The following DLG2 variants were observed in gnomAD, a reference collection of about 807,000 sequenced individuals.
DLG2 encodes disks large homolog 2.
In DLG2, 45 loss-of-function variants were observed where a neutral mutation model predicts 132.5. The observed-to-expected ratio is 0.34, with a 90% CI of 0.27 to 0.44. The LOEUF (loss-of-function observed/expected upper bound fraction) is 0.44. DLG2 is among the 20% of genes least tolerant of loss of function. The pLI is 1.00. For synonymous variants in DLG2, 424 were observed against 419.6 expected (o/e 1.01, Z -0.13); for missense variants, 1,045 against 1,196.9 (o/e 0.87, Z 1.87).
At chr11:84,747,242 A>T (rs1405165259) in intron 6 of DLG2, among the ~76,000 whole-genome samples, 3 of 152,052 alleles carry the variant, frequency 2.0e-5, no homozygotes, top group African/African-American at 4.8e-5. Flanking sequence ...CCCTTTTTTA[A>T]TTTTTTTATT....
At chr11:84,173,985 C>A (rs191673959) in intron 8 of DLG2, among the ~76,000 whole-genome samples, 49 of 111,638 alleles carry the variant, frequency 4.4e-4, no homozygotes, top group African/African-American at 1.6e-3. Context: ...CTTTTATAAT[C>A]TACCTGAGTT....
intron 6 of DLG2, among the ~76,000 whole-genome samples, chr11:84,726,479 T>C (rs1382126723): frequency 1.3e-5 from 2 of 152,192 alleles, no homozygotes; most frequent in Non-Finnish European, 2.9e-5. Context: ...TTCCATGGTG[T>C]ATATGTGCCA....
At chr11:85,331,281 G>T (rs1343448597) in intron 3 of DLG2, among the ~76,000 whole-genome samples, 1 of 152,026 alleles carries the variant, frequency 6.6e-6, no homozygotes, top group Non-Finnish European at 1.5e-5. Context: ...CTATAAAAAG[G>T]GTTCCTGGCC....
intron 17 of DLG2, chr11:83,791,616 G>C (rs532123840): frequency 7.7e-6 from 3 of 387,994 alleles, no homozygotes; most frequent in East Asian, 6.6e-5. Context: ...GAAAATACTA[G>C]GGGATTCACT....
At chr11:84,874,425 G>C (rs1480087250) in intron 6 of DLG2, among the ~76,000 whole-genome samples, 1 of 152,206 alleles carries the variant, frequency 6.6e-6, no homozygotes, top group Non-Finnish European at 1.5e-5. Flanking sequence ...TGAGGCTGCA[G>C]TACAAGGAGA....
At chr11:85,393,466 G>A (rs893216671) in intron 3 of DLG2, among the ~76,000 whole-genome samples, 14 of 151,960 alleles carry the variant, frequency 9.2e-5, no homozygotes, top group African/African-American at 3.4e-4. Flanking sequence ...CCCACTCCTG[G>A]ATATCTACCC....
chr11:83,615,439 GA>G (rs1182669802), intron 19 of DLG2, among the ~76,000 whole-genome samples: 1 of 152,122 alleles, frequency 6.6e-6, no homozygotes, highest in Non-Finnish European at 1.5e-5. Flanking sequence ...GCCTGTTCTT[GA>G]ATGTTATATA....
intron 6 of DLG2, among the ~76,000 whole-genome samples, chr11:85,050,377 G>C (rs1299630671): frequency 6.6e-6 from 1 of 152,002 alleles, no homozygotes; most frequent in African/African-American, 2.4e-5. Context: ...TAAAGAACAA[G>C]ACTTTGTCTT....
intron 6 of DLG2, among the ~76,000 whole-genome samples, chr11:85,017,155 T>C (rs1177221078): frequency 2.6e-5 from 4 of 152,174 alleles, no homozygotes; most frequent in Non-Finnish European, 5.9e-5. Flanking sequence ...CTCTGATTTA[T>C]ATCATTGACA....
At chr11:83,760,640 G>C (rs894179100) in intron 18 of DLG2, among the ~76,000 whole-genome samples, 1 of 152,074 alleles carries the variant, frequency 6.6e-6, no homozygotes, top group Admixed American at 6.6e-5. Flanking sequence ...ACAGGTGTGA[G>C]CCACTGCTCC....
chr11:84,765,535 T>A (rs2068285300), intron 6 of DLG2, among the ~76,000 whole-genome samples: 2 of 152,040 alleles, frequency 1.3e-5, no homozygotes, highest in Non-Finnish European at 2.9e-5. Flanking sequence ...CTGAAAAATA[T>A]CATTTTTTAG....
chr11:84,530,919 T>C (rs550504787), intron 7 of DLG2, among the ~76,000 whole-genome samples: 7 of 152,180 alleles, frequency 4.6e-5, no homozygotes, highest in Admixed American at 2.0e-4. Context: ...GTGGTACATA[T>C]ACACTACAAA....
At chr11:84,142,651 G>T (rs2094904352) in intron 9 of DLG2, among the ~76,000 whole-genome samples, 1 of 152,124 alleles carries the variant, frequency 6.6e-6, no homozygotes, top group Admixed American at 6.6e-5. Context: ...TGAGGTCCCA[G>T]ATAGAACAAA....
intron 18 of DLG2, among the ~76,000 whole-genome samples, chr11:83,668,641 A>G (rs1026264467): frequency 6.6e-6 from 1 of 151,632 alleles, no homozygotes; most frequent in African/African-American, 2.4e-5. Context: ...ATGTATATAT[A>G]CACACATGTG....
In DLG2 at chr11:85,150,270, T is replaced by G. The variant is rs963676603; in HGVS notation, c.282+4286A>C. 3.3e-5 allele frequency among the ~76,000 whole-genome samples: 5 copies of G among 152,164 alleles called. No individual in the cohort carries two copies. In the East Asian group the frequency reaches 7.7e-4, roughly 24 times the overall value. ...CTCCTGACCTCGTGATCCGCCCGTCTCAGCCTCCCAAAGTACTGGGATTAC... is the reference window on the plus strand; with the variant it reads ...CTCCTGACCTCGTGATCCGCCCGTCGCAGCCTCCCAAAGTACTGGGATTAC... On this transcript the variant is annotated intron_variant, in intron 5 of 27. Coordinates refer to ENST00000376104, the MANE Select transcript of DLG2 (RefSeq NM_001142699.3).
intron 11 of DLG2, among the ~76,000 whole-genome samples, chr11:84,043,158 T>C (rs1021478965): frequency 3.0e-4 from 46 of 151,510 alleles, no homozygotes; most frequent in Admixed American, 8.6e-4. Flanking sequence ...TAATTATAAA[T>C]TGAGCAATTT....
chr11:85,224,127 T>C (rs1374202149), intron 4 of DLG2, among the ~76,000 whole-genome samples: 2 of 152,212 alleles, frequency 1.3e-5, no homozygotes, highest in Non-Finnish European at 2.9e-5. Context: ...TAGAATAACA[T>C]CTGACACATG....
chr11:84,127,280 T>C (rs2094217190), intron 9 of DLG2, among the ~76,000 whole-genome samples: 1 of 152,174 alleles, frequency 6.6e-6, no homozygotes, highest in Admixed American at 6.5e-5. Context: ...GATTGAACTC[T>C]CAGCATACCC....
intron 6 of DLG2, among the ~76,000 whole-genome samples, chr11:84,854,764 C>T (rs2082565048): frequency 6.6e-6 from 1 of 151,926 alleles, no homozygotes; most frequent in Non-Finnish European, 1.5e-5. Flanking sequence ...GTATTAAAGC[C>T]TACTATAAAT....
Sources: gnomAD v4.1 joint callset for allele counts (sites outside exome capture counted in the v4.1 genomes callset) on GRCh38, gnomAD v4.1.1 for gene constraint, MANE v1.5 for transcripts, NCBI Gene and HGNC (gene_info 2026-07-23, HGNC 2026-07-21) for gene names.